RPS6KC1: variants seen among roughly 807,000 people sequenced by gnomAD.
RPS6KC1 encodes inactive ribosomal protein S6 kinase delta-1.
Under a neutral mutation model 103.8 loss-of-function variants are expected in RPS6KC1, and 54 were observed. That is an observed-to-expected ratio of 0.52 (90% CI 0.42 to 0.65). RPS6KC1 has a LOEUF of 0.65. RPS6KC1 is among the 30% of genes least tolerant of loss of function. The pLI, the probability that RPS6KC1 is intolerant of heterozygous loss-of-function variation, is 0.00. For missense variants in RPS6KC1, 1,151 were observed against 1,253.8 expected (o/e 0.92, Z 1.24); for synonymous variants, 439 against 438.7 (o/e 1.00, Z -0.01).
At chr1:213,589,371 C>G in the RPS6KC1 span, among the ~76,000 whole-genome samples, 2 of 152,002 alleles carry the variant, frequency 1.3e-5, no homozygotes, top group East Asian at 3.9e-4. Flanking sequence ...TAGAGCTGGG[C>G]GCAGTGGCCT....
the RPS6KC1 span, among the ~76,000 whole-genome samples, chr1:213,560,557 A>T: frequency 5.6e-4 from 85 of 152,170 alleles, no homozygotes; most frequent in African/African-American, 1.9e-3. Flanking sequence ...GTGAAAGTAA[A>T]TTTTTTCCCA....
At chr1:213,669,505 T>C in the RPS6KC1 span, among the ~76,000 whole-genome samples, 1 of 152,118 alleles carries the variant, frequency 6.6e-6, no homozygotes, top group Non-Finnish European at 1.5e-5. Flanking sequence ...ATAACAGATG[T>C]ACTAATAATT....
intron 6 of RPS6KC1, among the ~76,000 whole-genome samples, chr1:213,145,362 G>C (rs2087619218): frequency 1.3e-5 from 2 of 152,092 alleles, no homozygotes; most frequent in Admixed American, 6.6e-5. Flanking sequence ...AATGAAGTTA[G>C]AGTTTGTAGT....
the RPS6KC1 span, among the ~76,000 whole-genome samples, chr1:213,584,815 G>A: frequency 1.3e-5 from 2 of 152,206 alleles, no homozygotes; most frequent in African/African-American, 4.8e-5. Context: ...GAGCTTGGGA[G>A]GTGGGTCCCC....
the RPS6KC1 span, among the ~76,000 whole-genome samples, chr1:213,366,063 C>G: frequency 6.6e-6 from 1 of 152,184 alleles, no homozygotes; most frequent in Non-Finnish European, 1.5e-5. Context: ...CTGGATGAGC[C>G]ACCAGGAGCC....
At chr1:213,741,745 G>T in the RPS6KC1 span, among the ~76,000 whole-genome samples, 3 of 152,010 alleles carry the variant, frequency 2.0e-5, no homozygotes, top group Admixed American at 6.6e-5. Flanking sequence ...CAGTGCTAAC[G>T]TCTTCACCTT....
chr1:213,746,178 A>G, the RPS6KC1 span, among the ~76,000 whole-genome samples: 2 of 152,234 alleles, frequency 1.3e-5, no homozygotes, highest in African/African-American at 2.4e-5. Flanking sequence ...TTATCAGGTG[A>G]TGACTACTAT....
At chr1:213,655,708 G>A in the RPS6KC1 span, among the ~76,000 whole-genome samples, 1 of 152,082 alleles carries the variant, frequency 6.6e-6, no homozygotes, top group Admixed American at 6.5e-5. Flanking sequence ...ACTTTAAAGG[G>A]ACCTGCTGTG....
the RPS6KC1 span, among the ~76,000 whole-genome samples, chr1:213,705,196 T>C: frequency 1.3e-5 from 2 of 152,218 alleles, no homozygotes; most frequent in African/African-American, 2.4e-5. Flanking sequence ...CCTGTGTCCT[T>C]TCCTTCAAGG....
At chr1:213,230,151 A>G (rs1305393947) in intron 8 of RPS6KC1, among the ~76,000 whole-genome samples, 1 of 152,042 alleles carries the variant, frequency 6.6e-6, no homozygotes, top group African/African-American at 2.4e-5. Flanking sequence ...GACTTGAACA[A>G]TTTTTTTTGA....
chr1:213,316,228 T>C, the RPS6KC1 span, among the ~76,000 whole-genome samples: 1 of 152,258 alleles, frequency 6.6e-6, no homozygotes, highest in Non-Finnish European at 1.5e-5. Context: ...AAGATGTGCC[T>C]GCTTCCCCTT....
intron 7 of RPS6KC1, among the ~76,000 whole-genome samples, chr1:213,174,823 T>G (rs1330490878): frequency 6.6e-6 from 1 of 152,150 alleles, no homozygotes; most frequent in East Asian, 1.9e-4. Flanking sequence ...TCCGTTTTTT[T>G]TATGGTACCT....
chr1:213,115,812 G>C (rs193105960), intron 4 of RPS6KC1, among the ~76,000 whole-genome samples: 78 of 152,172 alleles, frequency 5.1e-4, no homozygotes, highest in Admixed American at 1.6e-3. Flanking sequence ...TGTTATGTAC[G>C]CAGTAGTCAT....
At chr1:213,495,236 C>G in the RPS6KC1 span, among the ~76,000 whole-genome samples, 4 of 152,134 alleles carry the variant, frequency 2.6e-5, no homozygotes. Context: ...TTATTGTGTG[C>G]CAGGCACTGT....
intron 8 of RPS6KC1, among the ~76,000 whole-genome samples, chr1:213,182,742 A>G (rs1194376108): frequency 6.7e-6 from 1 of 149,618 alleles, no homozygotes; most frequent in Non-Finnish European, 1.5e-5. Flanking sequence ...AGATATATAT[A>G]TGATATATAT....
At chr1:213,361,872 TGTTGTG>T in the RPS6KC1 span, among the ~76,000 whole-genome samples, 1 of 152,134 alleles carries the variant, frequency 6.6e-6, no homozygotes, top group East Asian at 1.9e-4. Context: ...AACAAAAAGC[TGTTGTG>T]GGTGTGGATG....
At chr1:213,210,369 TTG>T (rs1220955875) in intron 8 of RPS6KC1, among the ~76,000 whole-genome samples, 2 of 152,174 alleles carry the variant, frequency 1.3e-5, no homozygotes, top group African/African-American at 4.8e-5. Context: ...AGAGACAAAA[TTG>T]TGTCTTAACA....
At chr1:213,536,940 G>A in the RPS6KC1 span, among the ~76,000 whole-genome samples, 3 of 152,160 alleles carry the variant, frequency 2.0e-5, no homozygotes, top group South Asian at 2.1e-4. Flanking sequence ...GAATTGGTCC[G>A]GTGGTGGTGG....
At chr1:213,187,209 AT>A (rs767286416) in intron 8 of RPS6KC1, among the ~76,000 whole-genome samples, 14 of 146,732 alleles carry the variant, frequency 9.5e-5, no homozygotes, top group Non-Finnish European at 1.7e-4. Flanking sequence ...ATTTTAAAAG[AT>A]TATTTCAGTT....
Sources: gnomAD v4.1 joint callset for allele counts (sites outside exome capture counted in the v4.1 genomes callset) on GRCh38, gnomAD v4.1.1 for gene constraint, MANE v1.5 for transcripts, NCBI Gene and HGNC (gene_info 2026-07-23, HGNC 2026-07-21) for gene names.